The following SLF1 variants were observed in gnomAD, a reference collection of about 807,000 sequenced individuals.
The protein encoded by SLF1 is SMC5-SMC6 complex localization factor protein 1.
In SLF1, 105 loss-of-function variants were observed where a neutral mutation model predicts 123.0. The observed-to-expected ratio is 0.85, with a 90% CI of 0.73 to 1.00. The LOEUF (loss-of-function observed/expected upper bound fraction) is 1.00, where lower values mean the gene tolerates loss of function less well. SLF1 is among the 50% of genes least tolerant of loss of function. The probability of loss-of-function intolerance (pLI) is 0.00; values close to 1 mark genes in which losing one functional copy is unlikely to be tolerated. For missense variants in SLF1, 1,239 were observed against 1,223.0 expected (o/e 1.01, Z -0.20); for synonymous variants, 434 against 406.6 (o/e 1.07, Z -0.81).
At chr5:94,656,432 G>A (rs1259985572) in intron 9 of SLF1, among the ~76,000 whole-genome samples, 1 of 151,906 alleles carries the variant, frequency 6.6e-6, no homozygotes, top group Non-Finnish European at 1.5e-5. Context: ...TTTTCTCAGG[G>A]ATATTGCCCT....
intron 14 of SLF1, among the ~76,000 whole-genome samples, chr5:94,672,435 C>A (rs1750576719): frequency 6.6e-6 from 1 of 151,528 alleles, no homozygotes; most frequent in Non-Finnish European, 1.5e-5. Flanking sequence ...TTGTATCTCC[C>A]TCCCTTTCTC....
Position 94,628,831 on chromosome 5 carries a change from G to T in SLF1, c.21G>T (p.Lys7Asn), listed in dbSNP as rs1744900514. ...GTTAGATGGAAGATGGTACCCCAAA[G>T]CATATCATCCAGATGACAGGATTTA... MEDGTPKHIIQMTGFKM... is the reference protein window; with the variant it reads MEDGTPNHIIQMTGFKM... Residue 7 changes from lysine to asparagine, a missense_variant, in exon 2 of 21, where the codon AAG becomes AAT. Physicochemically the swap from Lys to Asn is moderately conservative, Grantham distance 94. Coordinates refer to ENST00000265140, the MANE Select transcript of SLF1 (RefSeq NM_032290.4). The T allele has an allele frequency of 6.5e-7, 1 of 1,546,354 alleles. No homozygotes were observed. Among genetic ancestry groups the T allele is most frequent in the African/African-American group, 1.4e-5 (1 of 72,760 alleles).
intron 16 of SLF1, among the ~76,000 whole-genome samples, 199 bp downstream of exon 16, chr5:94,686,917 A>G (rs964048212): frequency 6.6e-6 from 1 of 152,064 alleles, no homozygotes; most frequent in African/African-American, 2.4e-5. Flanking sequence ...CCTCCCGAGT[A>G]GCTGGGCTAC....
At chr5:94,647,373 A>G (rs2152476592) in intron 5 of SLF1, among the ~76,000 whole-genome samples, 1 of 152,330 alleles carries the variant, frequency 6.6e-6, no homozygotes, top group Non-Finnish European at 1.5e-5. Context: ...AAGTTGTGTG[A>G]CAGACGCTTT....
intron 4 of SLF1, among the ~76,000 whole-genome samples, chr5:94,632,580 T>C (rs1435547951): frequency 2.6e-5 from 4 of 152,248 alleles, no homozygotes; most frequent in Non-Finnish European, 5.9e-5. Context: ...AATTTATTCC[T>C]AGGTATTTTG....
At position 94,696,050 on chromosome 5, in the gene SLF1, T is replaced by C. The variant is rs1460516613; in HGVS notation, c.*738T>C. The C allele has an allele frequency of 1.3e-5, 2 of 151,814 alleles. No individual in the cohort carries two copies. Among genetic ancestry groups the C allele is most frequent in the African/African-American group, 4.8e-5 (2 of 41,390 alleles). The allele number at this position is 151,814 out of a possible 1,614,324, so 9.4% of individuals were successfully genotyped here. On this transcript the variant is annotated 3_prime_UTR_variant, in exon 21 of 21. Transcript: ENST00000265140. ...GGTTTATGAGTTTAATATTAAGATATTGAGTGGCATCTAAGTAATAGATTT... is the reference window on the plus strand; with the variant it reads ...GGTTTATGAGTTTAATATTAAGATACTGAGTGGCATCTAAGTAATAGATTT...
Position 94,663,801 on chromosome 5 carries a change from A to C in SLF1, c.1261A>C (p.Ile421Leu), listed in dbSNP as rs532990049. Reference sequence around the variant, plus strand: ...TGTATTAAATTTAATTGAAAGCCTCATAGAAGGACATTTTTTTAAAGAAGC... The same window carrying C: ...TGTATTAAATTTAATTGAAAGCCTCCTAGAAGGACATTTTTTTAAAGAAGC... ...RGVLNLIESL[I>L]EGHFFKEAIE... The change falls in exon 11 of 21, where the codon ATA becomes CTA. Residue 421 changes from isoleucine to leucine, a missense_variant. Ile to Leu is a conservative substitution (Grantham distance 5, BLOSUM62 2). Coordinates refer to ENST00000265140, the MANE Select transcript of SLF1 (RefSeq NM_032290.4). 47 of 1,550,544 alleles carry C rather than the reference A, an allele frequency of 3.0e-5. No individual in the cohort carries two copies. The African/African-American group carries it at 5.6e-4, about 18-fold the overall frequency.
intron 18 of SLF1, among the ~76,000 whole-genome samples, chr5:94,690,915 T>C (rs893733188): frequency 6.8e-6 from 1 of 147,642 alleles, no homozygotes; most frequent in African/African-American, 2.5e-5. Context: ...TTTTTTTTTT[T>C]ACATCCGTGT....
intron 16 of SLF1, among the ~76,000 whole-genome samples, chr5:94,687,169 C>CT (rs755407559): frequency 3.3e-5 from 5 of 152,216 alleles, no homozygotes; most frequent in Non-Finnish European, 5.9e-5. Flanking sequence ...ATTTCTGTCT[C>CT]TAATTAGAGT....
intron 15 of SLF1, among the ~76,000 whole-genome samples, chr5:94,680,943 ATATAT>A (rs1356483898): frequency 6.6e-6 from 1 of 152,190 alleles, no homozygotes; most frequent in Non-Finnish European, 1.5e-5. Flanking sequence ...AGATCTATTA[ATATAT>A]TTGATCACTA....
In SLF1 at chr5:94,679,090, T is replaced by A. The variant is rs1243282437; in HGVS notation, c.1975+135T>A. The A allele has an allele frequency of 6.5e-6, 6 of 921,910 alleles. No individual in the cohort carries two copies. The East Asian group carries it at 1.5e-4, about 24-fold the overall frequency. The allele number at this position is 921,910 out of a possible 1,614,324, so 57.1% of individuals were successfully genotyped here. ...AAATAGTTATGGATGCACGCACACA[T>A]AGATTCACACACACAGACAATATAA... On this transcript the variant is annotated intron_variant, in intron 15 of 20. Coordinates refer to ENST00000265140, the MANE Select transcript of SLF1 (RefSeq NM_032290.4).
At chr5:94,647,698 A>G (rs1747219480) in intron 5 of SLF1, among the ~76,000 whole-genome samples, 1 of 152,248 alleles carries the variant, frequency 6.6e-6, no homozygotes, top group African/African-American at 2.4e-5. Flanking sequence ...ATGACTATTT[A>G]TAGTTAAATA....
In SLF1 at chr5:94,695,337, TTTC is replaced by T; in HGVS notation, c.*27_*29del. Reference sequence around the variant, plus strand: ...ATGATGCTAGAAAGTATGGATTGACTTTCTAAATCTGTTCAGTTTGCATTGGTA... The same window carrying T: ...ATGATGCTAGAAAGTATGGATTGACTTAAATCTGTTCAGTTTGCATTGGTA... On this transcript the variant is annotated 3_prime_UTR_variant, in exon 21 of 21. Coordinates refer to ENST00000265140, the MANE Select transcript of SLF1 (RefSeq NM_032290.4). The T allele has an allele frequency of 6.4e-7, 1 of 1,574,240 alleles. No individual in the cohort carries two copies. The highest frequency in any genetic ancestry group is 8.6e-7 in the Non-Finnish European group (1 of 1,159,858).
chr5:94,685,123 A>G (rs1488113404), intron 15 of SLF1, among the ~76,000 whole-genome samples: 1 of 152,222 alleles, frequency 6.6e-6, no homozygotes, highest in Non-Finnish European at 1.5e-5. Flanking sequence ...GGACTACAAG[A>G]CACTAGAGCC....
At chr5:94,667,058 CT>C (rs1749851891) in intron 12 of SLF1, among the ~76,000 whole-genome samples, 1 of 149,476 alleles carries the variant, frequency 6.7e-6, no homozygotes, top group Non-Finnish European at 1.5e-5. Flanking sequence ...CTCTGGTTAG[CT>C]CTTTGAGATC....
At chr5:94,688,205 A>G (rs1048891190) in intron 16 of SLF1, among the ~76,000 whole-genome samples, 1 of 152,126 alleles carries the variant, frequency 6.6e-6, no homozygotes, top group Non-Finnish European at 1.5e-5. Context: ...AAAATGTGCA[A>G]ATGAATCATA....
chr5:94,673,666 G>C (rs1244461595), intron 14 of SLF1, among the ~76,000 whole-genome samples: 1 of 148,090 alleles, frequency 6.8e-6, no homozygotes, highest in Non-Finnish European at 1.5e-5. Context: ...TTCCAGCCTG[G>C]GTGACAGAGT....
intron 13 of SLF1, 52 bp downstream of exon 13, chr5:94,670,331 G>A: frequency 7.6e-7 from 1 of 1,308,846 alleles, no homozygotes; most frequent in Non-Finnish European, 1.0e-6. Context: ...TTGTTTTTAT[G>A]CACCATTTTT....
At chr5:94,679,636 C>T (rs1398744794) in intron 15 of SLF1, among the ~76,000 whole-genome samples, 5 of 151,256 alleles carry the variant, frequency 3.3e-5, no homozygotes, top group Admixed American at 2.0e-4. Context: ...CTATTTTTTT[C>T]CCCATTGAGT....
Sources: gnomAD v4.1 joint callset for allele counts (sites outside exome capture counted in the v4.1 genomes callset) on GRCh38, gnomAD v4.1.1 for gene constraint, MANE v1.5 for transcripts, NCBI Gene and HGNC (gene_info 2026-07-23, HGNC 2026-07-21) for gene names.